The following HSPA4 variants were observed in gnomAD, a reference collection of about 807,000 sequenced individuals.
HSPA4 encodes heat shock protein family A (Hsp70) member 4, also known as heat shock 70 kDa protein 4.
A neutral mutation model predicts 106.2 loss-of-function variants in HSPA4; 25 were observed. The ratio of observed to expected loss-of-function variants is 0.24; its 90% confidence interval spans 0.17 to 0.33. The LOEUF (loss-of-function observed/expected upper bound fraction) is 0.33. Ranked by LOEUF, HSPA4 falls within the 10% of genes least tolerant of loss-of-function variation. HSPA4 has a pLI of 1.00. For missense variants in HSPA4, 841 were observed against 996.0 expected (o/e 0.84, Z 2.10); for synonymous variants, 332 against 333.6 (o/e 1.00, Z 0.05).
chr5:133,080,417 C>CA (rs33998797), intron 7 of HSPA4, among the ~76,000 whole-genome samples: 7,447 of 65,882 alleles, frequency 0.11, 694 homozygotes, highest in East Asian at 0.31. Flanking sequence ...GACCCTGTCT[C>CA]AAAAAAAAAA....
At chr5:133,055,391 T>A (rs1445172360) in intron 1 of HSPA4, among the ~76,000 whole-genome samples, 1 of 143,300 alleles carries the variant, frequency 7.0e-6, no homozygotes, top group East Asian at 2.1e-4. Flanking sequence ...AAAGACTGCA[T>A]GTTGTGGGTT....
chr5:133,059,566 T>C (rs183753423), intron 1 of HSPA4, among the ~76,000 whole-genome samples: 1 of 152,026 alleles, frequency 6.6e-6, no homozygotes, highest in East Asian at 1.9e-4. Flanking sequence ...TGAGCAGATA[T>C]CGAGCCACTG....
chr5:133,076,763 C>T lies in HSPA4; in HGVS notation c.773C>T (p.Ser258Phe), dbSNP rs1581471952. The T allele has an allele frequency of 6.2e-7, 1 of 1,613,868 alleles. No homozygotes were observed. Among genetic ancestry groups the T allele is most frequent in the Non-Finnish European group, 8.5e-7 (1 of 1,179,896 alleles). ...FGKKYKLDIK[S>F]KIRALLRLSQ... is the part of the protein sequence containing the mutation. ...AAGAAATACAAGCTAGACATTAAGTCCAAAATCCGTGCATTATTACGACTC... is the reference window on the plus strand; with the variant it reads ...AAGAAATACAAGCTAGACATTAAGTTCAAAATCCGTGCATTATTACGACTC... The change falls in exon 7 of 19, where the codon TCC becomes TTC. Residue 258 changes from serine (S) to phenylalanine (F), a missense_variant. This residue lies in a region of HSPA4 where 347 missense variants were observed against 408.7 expected (regional missense o/e 0.85). Transcript: ENST00000304858.
intron 3 of HSPA4, among the ~76,000 whole-genome samples, 193 bp from the exon 4 acceptor site, chr5:133,070,175 AAATAAT>A (rs933991903): frequency 6.6e-6 from 1 of 152,006 alleles, no homozygotes; most frequent in Admixed American, 6.6e-5. Context: ...CCTGCCTCCA[AAATAAT>A]AATAATAATA....
intron 6 of HSPA4, among the ~76,000 whole-genome samples, chr5:133,075,374 C>A (rs993858778): frequency 3.3e-5 from 5 of 152,150 alleles, no homozygotes; most frequent in Non-Finnish European, 7.3e-5. Context: ...TAGCCATCTG[C>A]TTCTGTTTTT....
intron 8 of HSPA4, 40 bp downstream of exon 8, chr5:133,086,898 A>T: frequency 1.4e-6 from 2 of 1,400,502 alleles, no homozygotes; most frequent in Non-Finnish European, 2.0e-6. Flanking sequence ...CGTATCTCAG[A>T]CTGTTTGGAA....
rs770989563 is a variant in HSPA4 at position 133,092,816 on chromosome 5, T to G, written c.1650+27T>G. Reference sequence around the variant, plus strand: ...TATGCATTGGGTGGTGTTTTTTTTTTTTTTTTTTTTTTTTTTTTTTTTGAG... The same window carrying G: ...TATGCATTGGGTGGTGTTTTTTTTTGTTTTTTTTTTTTTTTTTTTTTTGAG... On this transcript the variant is annotated intron_variant, in intron 13 of 18. Transcript: ENST00000304858. The G allele has an allele frequency of 7.4e-3, 7,072 of 953,838 alleles. 100 individuals carry two copies. Among genetic ancestry groups the G allele is most frequent in the Admixed American group, 0.015 (530 of 34,692 alleles). The allele number at this position is 953,838 out of a possible 1,614,324, so 59.1% of individuals were successfully genotyped here.
At chr5:133,099,736 G>GTA in intron 16 of HSPA4, 84 bp downstream of exon 16, 1 of 609,248 alleles carries the variant, frequency 1.6e-6, no homozygotes, top group Admixed American at 2.5e-5. Context: ...GAATTCTCAA[G>GTA]TAAAGACAGA....
chr5:133,071,194 A>G (rs1170997416), intron 4 of HSPA4, among the ~76,000 whole-genome samples: 2 of 146,496 alleles, frequency 1.4e-5, no homozygotes, highest in African/African-American at 5.0e-5. Flanking sequence ...AGGACTGGGC[A>G]TGGTGGTTTA....
chr5:133,085,489 T>TTAAAAAAAAAAAAAAAAAAAAAAA (rs1554089513), intron 7 of HSPA4, among the ~76,000 whole-genome samples: 1 of 110,288 alleles, frequency 9.1e-6, no homozygotes, highest in African/African-American at 5.0e-5. Flanking sequence ...CCATCTCTAC[T>TTAAAAAAAAAAAAAAAAAAAAAAA]AAAAAAAAAA....
In HSPA4 at chr5:133,104,307, A is replaced by G. The variant is rs1181965504; in HGVS notation, c.2394A>G (p.Lys798=). ...TGGAACCTCCAAAAGAGGAACAAAA[A>G]AATGCAGAGCAGAATGGACCAGTGG... ...PKVEPPKEEQ[K]NAEQNGPVDG... Residue 798 remains lysine, a synonymous_variant, in exon 19 of 19, where the codon AAA becomes AAG. Coordinates refer to ENST00000304858, the MANE Select transcript of HSPA4 (RefSeq NM_002154.4). The G allele has an allele frequency of 1.9e-6, 3 of 1,614,096 alleles. No individual in the cohort carries two copies. The highest frequency in any genetic ancestry group is 2.5e-6 in the Non-Finnish European group (3 of 1,180,040).
Position 133,065,050 on chromosome 5 carries a change from T to G in HSPA4, c.165+13T>G, listed in dbSNP as rs1561577094. 6.2e-7 allele frequency: 1 copy of G among 1,611,584 alleles called. No homozygotes were observed. The highest frequency in any genetic ancestry group is 1.7e-5 in the Admixed American group (1 of 59,924). The stretch of plus-strand genomic sequence containing the variant: ...AGCTAAAAGCCAGGTAAAGTTTCAT[T>G]TTTTTCCTAAAATGACTTATTTCTC... On this transcript the variant is annotated intron_variant, in intron 2 of 18. Transcript: ENST00000304858.
chr5:133,095,761 G>A (rs1019581978), intron 13 of HSPA4, among the ~76,000 whole-genome samples: 3 of 152,132 alleles, frequency 2.0e-5, no homozygotes, highest in Non-Finnish European at 4.4e-5. Flanking sequence ...CCATTCAGTA[G>A]TGTTAAGTAG....
chr5:133,088,401 T>C lies in HSPA4; in HGVS notation c.986-3T>C, dbSNP rs1765604765. ...AAAAATCTGTCTAATTCTTTAAAAA[T>C]AGAGTTAAAGAAAGAAGATATTTAT... On this transcript the variant is annotated splice_polypyrimidine_tract_variant and splice_region_variant and intron_variant, in intron 8 of 18. Transcript: ENST00000304858. The C allele has an allele frequency of 1.9e-6, 3 of 1,583,178 alleles. No individual in the cohort carries two copies. Among genetic ancestry groups the C allele is most frequent in the South Asian group, 1.1e-5 (1 of 89,912 alleles).
chr5:133,055,344 C>T (rs530853615), intron 1 of HSPA4, among the ~76,000 whole-genome samples: 12 of 88,326 alleles, frequency 1.4e-4, no homozygotes, highest in African/African-American at 4.5e-4. Context: ...TTTTTGGTAG[C>T]GGTTATGGAG....
Position 133,073,992 on chromosome 5 carries a change from G to GT in HSPA4, c.531dup (p.Ala178CysfsTer8). On this transcript the variant is annotated frameshift_variant and splice_region_variant. Transcript: ENST00000304858. LOFTEE classifies it high-confidence loss of function. ...TAATTTTTGTGTTTTTTCTTCTGTA[G>GT]TTGCTCTTGCATATGGAATCTATAA... 6.4e-7 allele frequency: 1 copy of GT among 1,556,024 alleles called. No individual in the cohort carries two copies. The highest frequency in any genetic ancestry group is 2.3e-5 in the East Asian group (1 of 43,450).
At chr5:133,055,307 A>ATTTTTTTTTTTTTTTTTTTTT (rs397999293) in intron 1 of HSPA4, among the ~76,000 whole-genome samples, 7 of 60,106 alleles carry the variant, frequency 1.2e-4, no homozygotes, top group Admixed American at 2.3e-4. Context: ...AGGAAGGTTG[A>ATTTTTTTTTTTTTTTTTTTTT]TTTTTTTTTT....
At chr5:133,062,557 T>G (rs1765257192) in intron 1 of HSPA4, among the ~76,000 whole-genome samples, 1 of 152,088 alleles carries the variant, frequency 6.6e-6, no homozygotes, top group Admixed American at 6.6e-5. Flanking sequence ...ATTTACGTGG[T>G]AGTGAGGATT....
At chr5:133,063,078 C>T (rs1765265422) in intron 1 of HSPA4, among the ~76,000 whole-genome samples, 1 of 151,562 alleles carries the variant, frequency 6.6e-6, no homozygotes, top group Non-Finnish European at 1.5e-5. Context: ...GTTGCATGAC[C>T]CTGGATAAAT....
Sources: gnomAD v4.1 joint callset for allele counts (sites outside exome capture counted in the v4.1 genomes callset) on GRCh38, gnomAD v4.1.1 for gene constraint, gnomAD v4.1.1 regional missense constraint, MANE v1.5 for transcripts, NCBI Gene and HGNC (gene_info 2026-07-23, HGNC 2026-07-21) for gene names.